NEGR1: variants seen among roughly 807,000 people sequenced by gnomAD.
NEGR1 encodes the protein neuronal growth regulator 1.
NEGR1 carries 10 observed loss-of-function variants against 40.9 expected under a neutral mutation model. The observed-to-expected ratio is 0.24, with a 90% CI of 0.15 to 0.42. NEGR1 has a LOEUF of 0.42. Ranked by LOEUF, NEGR1 falls within the 10% of genes least tolerant of loss-of-function variation. NEGR1 has a pLI of 1.00. For synonymous variants in NEGR1, 185 were observed against 166.8 expected (o/e 1.11, Z -0.84); for missense variants, 352 against 438.9 (o/e 0.80, Z 1.77).
At chr1:71,845,933 T>TC (rs1253487902) in intron 2 of NEGR1, among the ~76,000 whole-genome samples, 1 of 150,220 alleles carries the variant, frequency 6.7e-6, no homozygotes, top group Non-Finnish European at 1.5e-5. Context: ...CTTTTTTTTT[T>TC]TTTTTTTTTT....
intron 6 of NEGR1, among the ~76,000 whole-genome samples, chr1:71,560,461 T>TATATATATATATATATG (rs1648417758): frequency 1.2e-5 from 1 of 86,374 alleles, no homozygotes; most frequent in Non-Finnish European, 2.5e-5. Context: ...ATATATATAT[T>TATATATATATATATATG]TCCAATTAAC....
At chr1:71,547,678 T>G (rs1647945422) in intron 6 of NEGR1, among the ~76,000 whole-genome samples, 1 of 151,704 alleles carries the variant, frequency 6.6e-6, no homozygotes, top group African/African-American at 2.4e-5. Context: ...TTTGGAAAAT[T>G]GACCTAGCAG....
intron 1 of NEGR1, among the ~76,000 whole-genome samples, chr1:72,023,247 T>C (rs201734256): frequency 2.6e-5 from 4 of 152,144 alleles, no homozygotes; most frequent in African/African-American, 4.8e-5. Flanking sequence ...GTTGTGGCAG[T>C]GGTGATTGTG....
intron 6 of NEGR1, among the ~76,000 whole-genome samples, chr1:71,488,912 C>G (rs1410740422): frequency 1.3e-5 from 2 of 151,724 alleles, no homozygotes; most frequent in Non-Finnish European, 2.9e-5. Context: ...ACAAATCGAC[C>G]TAGACTTGAA....
chr1:71,647,148 C>G (rs1228223454), intron 4 of NEGR1, among the ~76,000 whole-genome samples: 1 of 151,778 alleles, frequency 6.6e-6, no homozygotes, highest in Non-Finnish European at 1.5e-5. Flanking sequence ...TCTTTGGACT[C>G]AATCCCACTC....
At chr1:71,514,430 A>G (rs1292138434) in intron 6 of NEGR1, among the ~76,000 whole-genome samples, 2 of 101,952 alleles carry the variant, frequency 2.0e-5, no homozygotes, top group African/African-American at 8.4e-5. Flanking sequence ...ACCCCCGGGC[A>G]GCCTAACTGG....
chr1:71,636,946 T>A (rs929176447), intron 4 of NEGR1, among the ~76,000 whole-genome samples: 7 of 152,038 alleles, frequency 4.6e-5, no homozygotes, highest in African/African-American at 1.7e-4. Context: ...TAAATGTGTG[T>A]AAAAATCCTT....
At chr1:72,060,363 C>A (rs150374831) in intron 1 of NEGR1, among the ~76,000 whole-genome samples, 7 of 151,732 alleles carry the variant, frequency 4.6e-5, no homozygotes, top group South Asian at 4.2e-4. Flanking sequence ...TCAAGGTTTT[C>A]AGAATTAAAG....
rs1477293848 is a variant in NEGR1 at position 71,846,916 on chromosome 1, T to G, written c.410-70619A>C. 2.0e-5 allele frequency among the ~76,000 whole-genome samples: 3 copies of G among 152,284 alleles called. No homozygotes were observed. In the East Asian group the frequency reaches 5.8e-4, roughly 29 times the overall value. ...TCTCTTGATACTGTTACATTTGGTA[T>G]TAGGTTTCAACTCATGAATTTGCTA... On this transcript the variant is annotated intron_variant, in intron 2 of 6. Coordinates refer to ENST00000357731, the MANE Select transcript of NEGR1 (RefSeq NM_173808.3).
chr1:72,112,213 T>TA lies in NEGR1; in HGVS notation c.176+170105_176+170106insT, dbSNP rs34137694. The stretch of plus-strand genomic sequence containing the variant: ...GCAAAATAGACCTAATTTTCTTCAC[T>TA]TTTTTTTTTTAATTTAGAATATTGA... On this transcript the variant is annotated intron_variant, in intron 1 of 6. Coordinates refer to ENST00000357731, the MANE Select transcript of NEGR1 (RefSeq NM_173808.3). Among the ~76,000 whole-genome samples the TA allele has an allele frequency of 2.4e-4, 9 of 37,268 alleles. 1 individual carries two copies. The highest frequency in any genetic ancestry group is 8.8e-4 in the African/African-American group (9 of 10,180). The allele number at this position is 37,268 out of a possible 152,430, so 24.4% of individuals were successfully genotyped here.
intron 2 of NEGR1, among the ~76,000 whole-genome samples, chr1:71,884,248 A>C (rs1444792177): frequency 6.6e-6 from 1 of 151,982 alleles, no homozygotes; most frequent in Admixed American, 6.6e-5. Flanking sequence ...TTATTTCAAG[A>C]GTGATATTTT....
rs774876382 is a variant in NEGR1, at chr1:71,841,761, T to C, written c.410-65464A>G. On this transcript the variant is annotated intron_variant, in intron 2 of 6. Coordinates refer to ENST00000357731, the MANE Select transcript of NEGR1 (RefSeq NM_173808.3). Reference sequence around the variant, plus strand: ...ATCGTAGAAATACAATTCTTGCTTTTAGTCTCTTTAAAAGGCAAGGATAGT... The same window carrying C: ...ATCGTAGAAATACAATTCTTGCTTTCAGTCTCTTTAAAAGGCAAGGATAGT... Among the ~76,000 whole-genome samples, 30 of 152,204 alleles carry C rather than the reference T, an allele frequency of 2.0e-4. 2 individuals carry two copies. Among genetic ancestry groups the C allele is most frequent in the South Asian group, 4.1e-4 (2 of 4,834 alleles).
intron 1 of NEGR1, among the ~76,000 whole-genome samples, chr1:72,006,180 A>C (rs1646604924): frequency 6.6e-6 from 1 of 152,192 alleles, no homozygotes; most frequent in Non-Finnish European, 1.5e-5. Context: ...GTGAAGCAGA[A>C]TAGATTTCTA....
At chr1:71,733,385 GA>G (rs1291924544) in intron 3 of NEGR1, among the ~76,000 whole-genome samples, 2 of 152,144 alleles carry the variant, frequency 1.3e-5, no homozygotes, top group Non-Finnish European at 2.9e-5. Flanking sequence ...CAGTAAACTT[GA>G]ATTACATATA....
At chr1:71,561,750 A>G (rs181604791) in intron 6 of NEGR1, among the ~76,000 whole-genome samples, 31 of 151,754 alleles carry the variant, frequency 2.0e-4, no homozygotes, top group Non-Finnish European at 3.7e-4. Context: ...TGAGTTCCAG[A>G]GTTTTTGGGG....
At chr1:71,951,915 A>G (rs753859599) in intron 1 of NEGR1, among the ~76,000 whole-genome samples, 7 of 151,892 alleles carry the variant, frequency 4.6e-5, no homozygotes, top group Admixed American at 3.3e-4. Flanking sequence ...TGTTACCATT[A>G]TAATTTTTAG....
At chr1:72,090,542 C>A (rs757284058) in intron 1 of NEGR1, among the ~76,000 whole-genome samples, 2 of 151,942 alleles carry the variant, frequency 1.3e-5, no homozygotes, top group African/African-American at 4.8e-5. Flanking sequence ...GTTCAAGAAA[C>A]CTATCTAAGT....
chr1:71,739,718 C>T (rs565790079), intron 3 of NEGR1, among the ~76,000 whole-genome samples: 45 of 152,122 alleles, frequency 3.0e-4, no homozygotes, highest in Non-Finnish European at 5.6e-4. Context: ...TATTGAGCAC[C>T]TACACTGGTA....
At position 71,704,142 on chromosome 1, in the gene NEGR1, ATC is replaced by A. The variant is rs151137477; in HGVS notation, c.536-6005_536-6004del. 2.5e-3 allele frequency among the ~76,000 whole-genome samples: 352 copies of A among 138,630 alleles called. 2 individuals are homozygous for A. The highest frequency in any genetic ancestry group is 8.9e-3 in the South Asian group (38 of 4,274). 90.9% of individuals were successfully genotyped at this position (138,630 alleles called of 152,430 possible). ...ACTATGCAAGCCAAGAGAAAATAGA[ATC>A]TCTCTCTCTCTCTCTCTGTCACACA... On this transcript the variant is annotated intron_variant, in intron 3 of 6. Transcript: ENST00000357731.
Sources: gnomAD v4.1 joint callset for allele counts (sites outside exome capture counted in the v4.1 genomes callset) on GRCh38, gnomAD v4.1.1 for gene constraint, MANE v1.5 for transcripts, NCBI Gene and HGNC (gene_info 2026-07-23, HGNC 2026-07-21) for gene names.